NDUFAF7: variants seen among roughly 807,000 people sequenced by gnomAD.
NDUFAF7 encodes NADH:ubiquinone oxidoreductase complex assembly factor 7.
In NDUFAF7, 48 loss-of-function variants were observed where a neutral mutation model predicts 47.2. The ratio of observed to expected loss-of-function variants is 1.02; its 90% CI spans 0.81 to 1.29. The LOEUF (loss-of-function observed/expected upper bound fraction) is 1.29, where lower values mean the gene tolerates loss of function less well. NDUFAF7 is among the 50% of genes most tolerant of loss of function. NDUFAF7 has a pLI of 0.00. For synonymous variants in NDUFAF7, 217 were observed against 190.0 expected (o/e 1.14, Z -1.17); for missense variants, 635 against 537.6 (o/e 1.18, Z -1.79).
chr2:37,241,759 C>T lies in NDUFAF7; in HGVS notation c.590C>T (p.Ser197Phe). 6.5e-7 allele frequency: 1 copy of T among 1,537,198 alleles called. No homozygotes were observed. The highest frequency in any genetic ancestry group is 2.3e-5 in the East Asian group (1 of 42,606). Reference protein sequence around the residue: ...KGVTKSGIPISWYRDLHDVPK... With the variant: ...KGVTKSGIPIFWYRDLHDVPK... Reference sequence around the variant, plus strand: ...GTCACTAAGTCTGGGATTCCAATTTCCTGGTACCGAGATCTGCACGATGTT... The same window carrying T: ...GTCACTAAGTCTGGGATTCCAATTTTCTGGTACCGAGATCTGCACGATGTT... Residue 197 changes from serine to phenylalanine, a missense_variant, in exon 5 of 10, where the codon TCC becomes TTC. Coordinates refer to ENST00000002125, the MANE Select transcript of NDUFAF7 (RefSeq NM_144736.5).
intron 4 of NDUFAF7, among the ~76,000 whole-genome samples, chr2:37,240,969 A>G (rs1184885867): frequency 1.3e-5 from 2 of 152,254 alleles, no homozygotes; most frequent in African/African-American, 2.4e-5. Context: ...TCACCAGTAG[A>G]AATTAAATTC....
chr2:37,237,664 C>G, intron 3 of NDUFAF7, 93 bp from the exon 4 acceptor site: 1 of 983,956 alleles, frequency 1.0e-6, no homozygotes, highest in Non-Finnish European at 1.6e-6. Context: ...TGCTTTTTGG[C>G]ATATAGTGCA....
At chr2:37,268,451 C>T in the NDUFAF7 span, 1 of 433,098 alleles carries the variant, frequency 2.3e-6, no homozygotes, top group African/African-American at 2.1e-5. Context: ...TGTCACAATA[C>T]TAGGTGCTAG....
At chr2:37,241,857 G>C in intron 5 of NDUFAF7, 66 bp downstream of exon 5, 1 of 1,420,388 alleles carries the variant, frequency 7.0e-7, no homozygotes, top group African/African-American at 1.4e-5. Context: ...TGATGGGACT[G>C]TAACTTTTTA....
the NDUFAF7 span, chr2:37,269,512 G>A: frequency 1.2e-5 from 11 of 952,680 alleles, no homozygotes; most frequent in African/African-American, 1.8e-4. Flanking sequence ...TAAAAAAAAG[G>A]CACTGGACAA....
the NDUFAF7 span, chr2:37,260,164 T>TAAA: frequency 3.7e-6 from 4 of 1,084,788 alleles, no homozygotes; most frequent in Non-Finnish European, 3.9e-6. Flanking sequence ...ACTCTTGTCT[T>TAAA]AAAAAAAAAA....
rs929990554 is a variant in NDUFAF7 at position 37,249,034 on chromosome 2, GT to G, written c.*688del. 52 of 152,398 alleles carry G rather than the reference GT, an allele frequency of 3.4e-4. No homozygotes were observed. Among genetic ancestry groups the G allele is most frequent in the African/African-American group, 9.9e-4 (41 of 41,574 alleles). 9.4% of individuals were successfully genotyped at this position (152,398 alleles called of 1,614,324 possible). A position where few individuals can be genotyped will look rare whatever the true frequency, so the allele number is the denominator to read the frequency against. On this transcript the variant is annotated 3_prime_UTR_variant, in exon 10 of 10. Transcript: ENST00000002125. ...TTTTTTAAATGAGCTAGGGCAATAT[GT>G]TTTGACAGAAAACTCTCTAAGATTT...
chr2:37,263,890 G>A, the NDUFAF7 span, among the ~76,000 whole-genome samples: 1 of 151,728 alleles, frequency 6.6e-6, no homozygotes, highest in Non-Finnish European at 1.5e-5. Flanking sequence ...ATAGCTTTGG[G>A]GTAGCTTCCA....
intron 5 of NDUFAF7, chr2:37,242,073 G>C: frequency 2.3e-6 from 1 of 444,136 alleles, no homozygotes; most frequent in South Asian, 2.6e-5. Flanking sequence ...GGGTTGTACC[G>C]ATGACGGAGC....
chr2:37,267,614 A>G, the NDUFAF7 span: 9 of 1,042,218 alleles, frequency 8.6e-6, no homozygotes, highest in South Asian at 1.4e-5. Context: ...ACTGAAATTT[A>G]TATGTATTTA....
At chr2:37,249,643 GACACACACACACACACACACACAC>G (rs56208997), downstream of NDUFAF7, among the ~76,000 whole-genome samples, 1 of 132,522 alleles carries the variant, frequency 7.5e-6, no homozygotes, top group African/African-American at 3.0e-5. Context: ...CTGTGATAGA[GACACACACACACACACACACACAC>G]ACACACACAC....
At chr2:37,251,738 A>G (rs1667513530), downstream of NDUFAF7, 1 of 152,114 alleles carries the variant, frequency 6.6e-6, no homozygotes, top group Non-Finnish European at 1.5e-5. Flanking sequence ...ACAAAGGGAG[A>G]GGCAAGAATG....
At chr2:37,254,177 C>G, downstream of NDUFAF7, 1 of 1,541,628 alleles carries the variant, frequency 6.5e-7, no homozygotes, top group Non-Finnish European at 9.0e-7. Context: ...ATGAGGATTG[C>G]CAAAGAGAGA....
At chr2:37,242,449 T>A in intron 5 of NDUFAF7, 186 bp from the exon 6 acceptor site, 1 of 500,484 alleles carries the variant, frequency 2.0e-6, no homozygotes, top group Non-Finnish European at 3.6e-6. Flanking sequence ...TGACCCCATT[T>A]ATGTGTAAAA....
chr2:37,233,078 A>G (rs979105146), intron 2 of NDUFAF7, among the ~76,000 whole-genome samples: 2 of 152,152 alleles, frequency 1.3e-5, no homozygotes, highest in East Asian at 1.9e-4. Context: ...GGTACTAGAA[A>G]TAGAAGAGGG....
chr2:37,238,905 C>CAAA, intron 4 of NDUFAF7, among the ~76,000 whole-genome samples: 1 of 93,072 alleles, frequency 1.1e-5, no homozygotes, highest in Non-Finnish European at 2.1e-5. Context: ...GCTAAAAAAG[C>CAAA]AAAAAAAAAA....
chr2:37,232,229 C>T lies in NDUFAF7; in HGVS notation c.179C>T (p.Ala60Val), dbSNP rs1174121486. The T allele has an allele frequency of 1.9e-6, 3 of 1,613,552 alleles. No individual in the cohort carries two copies. Among genetic ancestry groups the T allele is most frequent in the Non-Finnish European group, 1.7e-6 (2 of 1,180,050 alleles). The change falls in exon 2 of 10, where the codon GCC becomes GTC. Residue 60 changes from alanine to valine, a missense_variant. Transcript: ENST00000002125. ...AAGTCTACTGGTCCCATCACTGTGG[C>T]CGAGTACATGAAGGAGGTGTTGACT... is the stretch of plus-strand genomic sequence containing the variant. ...KIKSTGPITV[A>V]EYMKEVLTNP...
At chr2:37,232,926 C>T (rs1409343319) in intron 2 of NDUFAF7, among the ~76,000 whole-genome samples, 1 of 152,188 alleles carries the variant, frequency 6.6e-6, no homozygotes, top group Non-Finnish European at 1.5e-5. Flanking sequence ...AATATGACCT[C>T]TGTGGAATTC....
chr2:37,237,892 A>G (rs1665960120), intron 4 of NDUFAF7, 25 bp downstream of exon 4: 1 of 1,499,184 alleles, frequency 6.7e-7, no homozygotes, highest in African/African-American at 1.4e-5. Context: ...AATGTCTTCT[A>G]GTCTCATATA....
Sources: allele counts gnomAD v4.1 joint callset (sites outside exome capture counted in the v4.1 genomes callset), GRCh38; gene constraint gnomAD v4.1.1; transcripts MANE v1.5; gene names NCBI Gene and HGNC (gene_info 2026-07-23, HGNC 2026-07-21).